Variants in UMAD1 observed in about 807,000 individuals in gnomAD.
UMAD1 encodes UBAP1-MVB12-associated (UMA) domain containing 1, also known as UBAP1-MVB12-associated (UMA)-domain containing protein 1.
UMAD1 carries 8 observed loss-of-function variants against 6.1 expected under a neutral mutation model. The ratio of observed to expected loss-of-function variants is 1.30; its 90% CI spans 0.76 to 2.35. The LOEUF is 2.35. UMAD1 is among the 30% of genes most tolerant of loss of function. UMAD1 has a pLI of 0.00. For missense variants in UMAD1, 130 were observed against 78.4 expected, an observed-to-expected ratio of 1.66 and a Z score of -2.49; for synonymous variants, 56 against 31.4, an observed-to-expected ratio of 1.78 and a Z score of -2.61.
At chr7:7,807,328 T>A (rs1056650275) in intron 3 of UMAD1, among the ~76,000 whole-genome samples, 1 of 152,138 alleles carries the variant, frequency 6.6e-6, no homozygotes, top group African/African-American at 2.4e-5. Context: ...TCCTGGGAAA[T>A]GAAATTCTTC....
intron 3 of UMAD1, among the ~76,000 whole-genome samples, chr7:7,843,042 C>T (rs1245580517): frequency 6.6e-6 from 1 of 152,170 alleles, no homozygotes; most frequent in Non-Finnish European, 1.5e-5. Flanking sequence ...TCATCCAGTA[C>T]TCTTAGCCCT....
intron 3 of UMAD1, among the ~76,000 whole-genome samples, chr7:7,859,486 T>A (rs749065129): frequency 2.6e-5 from 4 of 152,224 alleles, no homozygotes; most frequent in Non-Finnish European, 5.9e-5. Context: ...TATATTGATT[T>A]AAGTACTATT....
At chr7:7,765,755 G>A (rs1355029465) in intron 2 of UMAD1, among the ~76,000 whole-genome samples, 1 of 152,112 alleles carries the variant, frequency 6.6e-6, no homozygotes, top group African/African-American at 2.4e-5. Flanking sequence ...CTCTCTGTTA[G>A]GCACTGGGGA....
At chr7:7,751,513 A>G (rs549489844) in intron 2 of UMAD1, among the ~76,000 whole-genome samples, 1 of 152,332 alleles carries the variant, frequency 6.6e-6, no homozygotes, top group South Asian at 2.1e-4. Flanking sequence ...AATGTGGAAA[A>G]GTCAGGGAAA....
chr7:7,692,758 C>T (rs1362994327), intron 2 of UMAD1, among the ~76,000 whole-genome samples: 5 of 151,992 alleles, frequency 3.3e-5, no homozygotes, highest in Admixed American at 6.6e-5. Context: ...TACAGGCCTG[C>T]GCCACCATGC....
At chr7:7,717,120 G>C (rs1780934742) in intron 2 of UMAD1, among the ~76,000 whole-genome samples, 1 of 147,094 alleles carries the variant, frequency 6.8e-6, no homozygotes, top group Admixed American at 6.8e-5. Context: ...GCAATGGCAT[G>C]ATCTTGGCTC....
At chr7:7,685,312 A>ATC (rs1780016485) in intron 2 of UMAD1, among the ~76,000 whole-genome samples, 1 of 117,118 alleles carries the variant, frequency 8.5e-6, no homozygotes, top group Non-Finnish European at 1.8e-5. Flanking sequence ...TTACACATTG[A>ATC]TCTTTTTTTT....
intron 2 of UMAD1, among the ~76,000 whole-genome samples, chr7:7,792,269 C>A (rs546947930): frequency 6.6e-6 from 1 of 152,278 alleles, no homozygotes; most frequent in Non-Finnish European, 1.5e-5. Flanking sequence ...TTAGCTGTTC[C>A]TGTTCTTGGC....
chr7:7,776,303 A>C (rs559199763), intron 2 of UMAD1, among the ~76,000 whole-genome samples: 1 of 152,364 alleles, frequency 6.6e-6, no homozygotes, highest in African/African-American at 2.4e-5. Context: ...TCTAGAAAAG[A>C]AATAAAAATA....
chr7:7,667,255 T>C (rs1351907223), intron 1 of UMAD1, among the ~76,000 whole-genome samples: 3 of 152,202 alleles, frequency 2.0e-5, no homozygotes, highest in African/African-American at 7.2e-5. Flanking sequence ...TTGGTATGTT[T>C]CCTGTTTATA....
intron 2 of UMAD1, among the ~76,000 whole-genome samples, chr7:7,689,122 C>T (rs1161964523): frequency 2.0e-5 from 3 of 152,122 alleles, no homozygotes; most frequent in Non-Finnish European, 4.4e-5. Flanking sequence ...TGCTCATTTG[C>T]CTAAGCCAGT....
At chr7:7,832,494 A>T (rs1004224654) in intron 3 of UMAD1, among the ~76,000 whole-genome samples, 1 of 152,172 alleles carries the variant, frequency 6.6e-6, no homozygotes, top group Admixed American at 6.5e-5. Flanking sequence ...ACTTCTACTT[A>T]TACGGAAAAG....
intron 3 of UMAD1, among the ~76,000 whole-genome samples, chr7:7,818,529 G>C (rs1783176353): frequency 6.6e-6 from 1 of 152,180 alleles, no homozygotes; most frequent in Non-Finnish European, 1.5e-5. Flanking sequence ...ATGCTGGCAA[G>C]GTTAAGGAGA....
intron 2 of UMAD1, among the ~76,000 whole-genome samples, chr7:7,750,261 A>G (rs917694633): frequency 1.3e-5 from 2 of 152,196 alleles, no homozygotes; most frequent in Non-Finnish European, 2.9e-5. Flanking sequence ...AAAAAATTAA[A>G]TAAATTCCTT....
chr7:7,712,932 C>T (rs926639418), intron 2 of UMAD1, among the ~76,000 whole-genome samples: 1 of 152,026 alleles, frequency 6.6e-6, no homozygotes, highest in African/African-American at 2.4e-5. Context: ...TTATCTTGGC[C>T]TCGTGTTTCT....
At chr7:7,718,339 A>G (rs574276268) in intron 2 of UMAD1, among the ~76,000 whole-genome samples, 1 of 152,298 alleles carries the variant, frequency 6.6e-6, no homozygotes, top group East Asian at 1.9e-4. Flanking sequence ...ATGCATAGTG[A>G]GGGCATGGGT....
intron 3 of UMAD1, among the ~76,000 whole-genome samples, chr7:7,829,300 G>T (rs12702665): frequency 0.23 from 34,972 of 152,126 alleles, 4,321 homozygotes; most frequent in African/African-American, 0.32. Flanking sequence ...CTAGTCCAGT[G>T]CTAAGAGCAA....
intron 2 of UMAD1, among the ~76,000 whole-genome samples, chr7:7,726,019 A>G (rs1305843405): frequency 1.3e-5 from 2 of 152,234 alleles, no homozygotes; most frequent in Non-Finnish European, 2.9e-5. Context: ...TGCACTTTGC[A>G]TGGAAGGAGA....
intron 3 of UMAD1, among the ~76,000 whole-genome samples, chr7:7,818,096 G>A (rs1783167810): frequency 6.6e-6 from 1 of 152,168 alleles, no homozygotes; most frequent in African/African-American, 2.4e-5. Flanking sequence ...CATGTATTAA[G>A]CCTAGTAGTA....
Sources: allele counts gnomAD v4.1 joint callset (sites outside exome capture counted in the v4.1 genomes callset), GRCh38; gene constraint gnomAD v4.1.1; transcripts MANE v1.5; gene names NCBI Gene and HGNC (gene_info 2026-07-23, HGNC 2026-07-21).